Variants in LRRC71 observed in about 807,000 individuals in gnomAD.
The protein encoded by LRRC71 is leucine-rich repeat-containing protein 71.
A neutral mutation model predicts 66.6 loss-of-function variants in LRRC71; 54 were observed. The observed-to-expected ratio is 0.81, with a 90% CI of 0.65 to 1.02. The LOEUF is 1.02. Among genes scored for constraint, LRRC71 ranks in the 50% least tolerant of loss-of-function variants. The pLI is 0.00. For missense variants in LRRC71, 724 were observed against 718.0 expected (o/e 1.01, Z -0.10); for synonymous variants, 323 against 303.9 (o/e 1.06, Z -0.65).
intron 5 of LRRC71, 88 bp from the exon 6 acceptor site, chr1:156,927,114 T>A (rs1380841640): frequency 8.5e-7 from 1 of 1,175,144 alleles, no homozygotes; most frequent in Admixed American, 2.1e-5. Context: ...TCCTAGCTGC[T>A]TCCCAGAGAC....
In LRRC71 at chr1:156,927,901, C is replaced by T; in HGVS notation, c.907-14C>T. 6.2e-7 allele frequency: 1 copy of T among 1,610,842 alleles called. No individual in the cohort carries two copies. Among genetic ancestry groups the T allele is most frequent in the Non-Finnish European group, 8.5e-7 (1 of 1,178,746 alleles). ...TACCCAGGCGTCCGACCGCTGAGCG[C>T]CCGCCTCCTTCAGGTCCTGCGCGCC... On this transcript the variant is annotated splice_polypyrimidine_tract_variant and intron_variant, in intron 8 of 14. Transcript: ENST00000337428.
At position 156,931,936 on chromosome 1, in the gene LRRC71, G is replaced by C. The variant is rs547083706; in HGVS notation, c.1350G>C (p.Glu450Asp). Reference protein sequence around the residue: ...LESELVVEATEVVNPLLEPVE... With the variant: ...LESELVVEATDVVNPLLEPVE... ...AGCAGCTGGTTGTTGAGGCTACTGA[G>C]GTGGTCAACCCTCTCCTGGAGCCTG... Residue 450 changes from glutamate to aspartate, a missense_variant, in exon 13 of 15, where the codon GAG becomes GAC. Coordinates refer to ENST00000337428, the MANE Select transcript of LRRC71 (RefSeq NM_144702.3). The C allele has an allele frequency of 5.7e-6, 9 of 1,592,722 alleles. No homozygotes were observed. The East Asian group carries it at 1.6e-4, about 28-fold the overall frequency.
At position 156,924,050 on chromosome 1, in the gene LRRC71, C is replaced by A. The variant is rs766971125; in HGVS notation, c.262C>A (p.His88Asn). The A allele has an allele frequency of 9.0e-6, 14 of 1,548,366 alleles. No individual in the cohort carries two copies. The highest frequency in any genetic ancestry group is 1.1e-5 in the Non-Finnish European group (13 of 1,145,864). ...CAAAGTTGTCAACCGGCCCCGCCCC[C>A]ACCCGCCCTTCGTCCCCTCCGCCTC... ...FPKVVNRPRP[H>N]PPFVPSASLS... Residue 88 changes from histidine to asparagine, a missense_variant, in exon 2 of 15, where the codon CAC (histidine) becomes AAC (asparagine). Coordinates refer to ENST00000337428, the MANE Select transcript of LRRC71 (RefSeq NM_144702.3).
intron 9 of LRRC71, 87 bp downstream of exon 9, chr1:156,928,091 G>A (rs1653523433): frequency 7.8e-7 from 1 of 1,285,044 alleles, no homozygotes; most frequent in Admixed American, 2.0e-5. Flanking sequence ...TCAGCAAACT[G>A]GCCATCCAGT....
downstream of LRRC71, chr1:156,937,579 C>T: frequency 7.0e-7 from 1 of 1,433,010 alleles, no homozygotes; most frequent in South Asian, 1.4e-5. Context: ...ATTCCCCAGC[C>T]ACCTGACAGA....
the LRRC71 span, chr1:156,940,059 T>C: frequency 7.0e-7 from 1 of 1,418,968 alleles, no homozygotes; most frequent in Non-Finnish European, 9.4e-7. Context: ...GGGGGTTGGG[T>C]GGGGAATGAC....
At chr1:156,936,106 G>A (rs556043282), downstream of LRRC71, 33 of 1,565,160 alleles carry the variant, frequency 2.1e-5, no homozygotes, top group East Asian at 4.0e-4. Context: ...TGAGGTGACC[G>A]CTTCCACATG....
At chr1:156,930,803 T>C (rs1654255169) in intron 12 of LRRC71, among the ~76,000 whole-genome samples, 186 bp downstream of exon 12, 1 of 152,224 alleles carries the variant, frequency 6.6e-6, no homozygotes, top group Admixed American at 6.5e-5. Flanking sequence ...CCATCTCACC[T>C]TGGGCTTCTG....
At chr1:156,929,025 T>C (rs942943715) in intron 9 of LRRC71, among the ~76,000 whole-genome samples, 7 of 152,220 alleles carry the variant, frequency 4.6e-5, no homozygotes, top group African/African-American at 1.4e-4. Flanking sequence ...TGTTATTTTT[T>C]CCCCCTCAAT....
chr1:156,924,325 C>A (rs1652857549), intron 2 of LRRC71, 99 bp from the exon 3 acceptor site: 2 of 1,468,228 alleles, frequency 1.4e-6, no homozygotes, highest in Non-Finnish European at 9.1e-7. Flanking sequence ...CGCCTCCCCT[C>A]TGGCGGTGTC....
At chr1:156,931,645 T>TCCTGG (rs1413637161) in intron 12 of LRRC71, among the ~76,000 whole-genome samples, 1 of 152,146 alleles carries the variant, frequency 6.6e-6, no homozygotes, top group Non-Finnish European at 1.5e-5. Flanking sequence ...AGGAGGCCCT[T>TCCTGG]CCTGGCCTGG....
At chr1:156,928,061 C>G (rs935031040) in intron 9 of LRRC71, 57 bp downstream of exon 9, 4 of 1,482,974 alleles carry the variant, frequency 2.7e-6, no homozygotes, top group Non-Finnish European at 3.7e-6. Flanking sequence ...CTCGAGCCCA[C>G]TCCCCAAGTC....
intron 9 of LRRC71, among the ~76,000 whole-genome samples, chr1:156,928,563 C>CTTTTTTTTTTTTTTT (rs58180096): frequency 2.5e-5 from 2 of 80,244 alleles, no homozygotes; most frequent in Non-Finnish European, 4.5e-5. Context: ...CTTCTTCTTA[C>CTTTTTTTTTTTTTTT]TTTTTTTTTT....
At chr1:156,921,203 G>A (rs887565958) in intron 1 of LRRC71, among the ~76,000 whole-genome samples, 16 of 152,234 alleles carry the variant, frequency 1.1e-4, no homozygotes. Flanking sequence ...GGCCCAGGGG[G>A]TGAGGGCATC....
downstream of LRRC71, chr1:156,937,084 T>C: frequency 6.4e-7 from 1 of 1,574,362 alleles, no homozygotes; most frequent in Non-Finnish European, 8.6e-7. Context: ...GTGCTGGGCC[T>C]TGGGGAGGAG....
downstream of LRRC71, chr1:156,934,732 G>C (rs950339370): frequency 2.0e-5 from 3 of 151,714 alleles, no homozygotes; most frequent in Admixed American, 2.0e-4. Flanking sequence ...TGGGTCTGGG[G>C]GTGAGAGGGC....
rs1357062425 is a variant in LRRC71 at position 156,927,272 on chromosome 1, T to G, written c.662+2T>G. On this transcript the variant is annotated splice_donor_variant, in intron 6 of 14. Coordinates refer to ENST00000337428, the MANE Select transcript of LRRC71 (RefSeq NM_144702.3). LOFTEE classifies it high-confidence loss of function. Reference sequence around the variant, plus strand: ...CAAGCTCATGGCCTTGGACAGCACGTGAGACTCCCTGCCCTCACCCCCTTT... The same window carrying G: ...CAAGCTCATGGCCTTGGACAGCACGGGAGACTCCCTGCCCTCACCCCCTTT... The G allele has an allele frequency of 3.1e-6, 5 of 1,613,554 alleles. No homozygotes were observed. Among genetic ancestry groups the G allele is most frequent in the Non-Finnish European group, 3.4e-6 (4 of 1,179,590 alleles).
chr1:156,926,796 G>A (rs553695264), intron 5 of LRRC71, among the ~76,000 whole-genome samples: 3 of 152,076 alleles, frequency 2.0e-5, no homozygotes, highest in South Asian at 2.1e-4. Context: ...GGCTGGTCTC[G>A]AACTCCTGAG....
intron 14 of LRRC71, 61 bp from the exon 15 acceptor site, chr1:156,932,792 T>C: frequency 6.5e-7 from 1 of 1,527,974 alleles, no homozygotes; most frequent in South Asian, 1.2e-5. Flanking sequence ...ATTTTTTTTT[T>C]TCTGCCAGAG....
Sources: allele counts gnomAD v4.1 joint callset (sites outside exome capture counted in the v4.1 genomes callset), GRCh38; gene constraint gnomAD v4.1.1; transcripts MANE v1.5; gene names NCBI Gene and HGNC (gene_info 2026-07-23, HGNC 2026-07-21).